TPH2: variants seen among roughly 807,000 people sequenced by gnomAD.
TPH2 encodes the protein tryptophan 5-hydroxylase 2.
A neutral mutation model predicts 59.1 loss-of-function variants in TPH2; 27 were observed. The observed-to-expected ratio is 0.46, with a 90% CI of 0.34 to 0.63. The LOEUF is 0.63. TPH2 is among the 30% of genes least tolerant of loss of function. The probability of loss-of-function intolerance (pLI) is 0.01; values close to 1 mark genes in which losing one functional copy is unlikely to be tolerated. For missense variants in TPH2, 523 were observed against 588.3 expected (o/e 0.89, Z 1.15); for synonymous variants, 220 against 210.5 (o/e 1.05, Z -0.39).
At chr12:72,021,860 C>T (rs899485853) in intron 8 of TPH2, among the ~76,000 whole-genome samples, 3 of 152,088 alleles carry the variant, frequency 2.0e-5, no homozygotes, top group Non-Finnish European at 4.4e-5. Flanking sequence ...ATTTGGTAGT[C>T]ATATAGAGGT....
Position 72,031,826 on chromosome 12 carries a change from C to A in TPH2, c.*131C>A, listed in dbSNP as rs1873732431. 1.0e-6 allele frequency: 1 copy of A among 1,002,960 alleles called. No homozygotes were observed. Among genetic ancestry groups the A allele is most frequent in the Non-Finnish European group, 1.6e-6 (1 of 640,532 alleles). The allele number at this position is 1,002,960 out of a possible 1,614,324, so 62.1% of individuals were successfully genotyped here. A position where few individuals can be genotyped will look rare whatever the true frequency, so the allele number is the denominator to read the frequency against. ...AGCATGCAATTCCATATATCTATAC[C>A]ATCTTGTAACTCACTGTGTTAGTAT... On this transcript the variant is annotated 3_prime_UTR_variant, in exon 11 of 11. Coordinates refer to ENST00000333850, the MANE Select transcript of TPH2 (RefSeq NM_173353.4).
intron 5 of TPH2, among the ~76,000 whole-genome samples, chr12:71,967,356 T>C (rs957369721): frequency 6.6e-6 from 1 of 152,220 alleles, no homozygotes; most frequent in Non-Finnish European, 1.5e-5. Flanking sequence ...AAGTTCTTAG[T>C]CATCTCTGAG....
chr12:72,004,619 T>A (rs1002668144), intron 8 of TPH2, among the ~76,000 whole-genome samples: 1 of 152,192 alleles, frequency 6.6e-6, no homozygotes, highest in Non-Finnish European at 1.5e-5. Flanking sequence ...TAAAGATGTA[T>A]AAAAGAAAGG....
At chr12:72,001,243 C>A (rs994460846) in intron 8 of TPH2, among the ~76,000 whole-genome samples, 1 of 152,096 alleles carries the variant, frequency 6.6e-6, no homozygotes, top group Non-Finnish European at 1.5e-5. Flanking sequence ...AGATTTGTTA[C>A]TGGATCTCAG....
intron 7 of TPH2, 52 bp from the exon 8 acceptor site, chr12:71,994,387 G>T: frequency 6.2e-7 from 1 of 1,608,282 alleles, no homozygotes; most frequent in Non-Finnish European, 8.5e-7. Flanking sequence ...TTCTACCAGT[G>T]GTAATTTAAA....
chr12:72,005,979 T>TC (rs1437888989), intron 8 of TPH2, among the ~76,000 whole-genome samples: 1 of 151,994 alleles, frequency 6.6e-6, no homozygotes, highest in African/African-American at 2.4e-5. Context: ...ATTCTAAAGC[T>TC]CCCCCTCTGC....
intron 1 of TPH2, among the ~76,000 whole-genome samples, chr12:71,940,677 C>T (rs1416924935): frequency 2.0e-5 from 3 of 152,138 alleles, no homozygotes; most frequent in African/African-American, 7.2e-5. Flanking sequence ...TGTTTCCTCC[C>T]ATTCTATTCC....
chr12:71,982,013 G>GTTTTTTTTTTTTTTTT (rs1468983565), intron 7 of TPH2, among the ~76,000 whole-genome samples: 5 of 55,662 alleles, frequency 9.0e-5, no homozygotes, highest in Non-Finnish European at 2.0e-4. Flanking sequence ...CATATCATTC[G>GTTTTTTTTTTTTTTTT]TATTTTTTTT....
chr12:71,977,364 G>C (rs1015918711), intron 6 of TPH2, among the ~76,000 whole-genome samples: 2 of 152,086 alleles, frequency 1.3e-5, no homozygotes, highest in African/African-American at 4.8e-5. Context: ...GTAATCTAGA[G>C]ATTTAATGAA....
intron 8 of TPH2, among the ~76,000 whole-genome samples, chr12:72,013,520 C>T (rs1053373178): frequency 6.6e-6 from 1 of 152,216 alleles, no homozygotes; most frequent in Non-Finnish European, 1.5e-5. Flanking sequence ...CCAATAACTT[C>T]TCTTCTTGCA....
intron 5 of TPH2, among the ~76,000 whole-genome samples, chr12:71,970,728 G>A (rs1871949058): frequency 6.6e-6 from 1 of 152,162 alleles, no homozygotes; most frequent in African/African-American, 2.4e-5. Context: ...ATTCATCACA[G>A]GTGTGAGGTC....
intron 5 of TPH2, among the ~76,000 whole-genome samples, chr12:71,953,804 A>G (rs957706020): frequency 2.6e-5 from 4 of 152,156 alleles, no homozygotes; most frequent in African/African-American, 9.7e-5. Flanking sequence ...GAACAATTCA[A>G]TTCCCTGTTG....
At chr12:72,003,536 T>C (rs1194795965) in intron 8 of TPH2, among the ~76,000 whole-genome samples, 1 of 152,228 alleles carries the variant, frequency 6.6e-6, no homozygotes, top group Non-Finnish European at 1.5e-5. Flanking sequence ...TTCACTATTT[T>C]CACCACTACC....
At chr12:72,005,776 G>A (rs947388041) in intron 8 of TPH2, among the ~76,000 whole-genome samples, 1 of 152,082 alleles carries the variant, frequency 6.6e-6, no homozygotes, top group Non-Finnish European at 1.5e-5. Flanking sequence ...TTTGTTTTGA[G>A]AAAAAATTGA....
At chr12:71,998,286 G>A (rs542878078) in intron 8 of TPH2, among the ~76,000 whole-genome samples, 6 of 152,074 alleles carry the variant, frequency 3.9e-5, no homozygotes, top group African/African-American at 7.2e-5. Context: ...TAGGCTGCCC[G>A]TTTACTTCGA....
intron 7 of TPH2, among the ~76,000 whole-genome samples, chr12:71,987,528 A>G (rs1872467648): frequency 1.3e-5 from 2 of 152,204 alleles, no homozygotes; most frequent in African/African-American, 2.4e-5. Flanking sequence ...AAGATTTTCA[A>G]TGCATTCTCT....
intron 8 of TPH2, among the ~76,000 whole-genome samples, chr12:72,016,074 T>G (rs1194947804): frequency 6.6e-6 from 1 of 152,240 alleles, no homozygotes; most frequent in Non-Finnish European, 1.5e-5. Flanking sequence ...TTCCTAGCTC[T>G]GGCAACCACT....
intron 7 of TPH2, among the ~76,000 whole-genome samples, chr12:71,990,266 T>C (rs1872550819): frequency 1.3e-5 from 2 of 152,184 alleles, no homozygotes; most frequent in Admixed American, 1.3e-4. Context: ...GGGGTTCGGC[T>C]GTGGATGATA....
intron 5 of TPH2, among the ~76,000 whole-genome samples, chr12:71,958,786 A>G (rs1008884806): frequency 2.0e-5 from 3 of 152,202 alleles, no homozygotes; most frequent in Non-Finnish European, 2.9e-5. Context: ...TTGCTAGCTT[A>G]TCTATTTCTT....
Sources: allele counts gnomAD v4.1 joint callset (sites outside exome capture counted in the v4.1 genomes callset), GRCh38; gene constraint gnomAD v4.1.1; transcripts MANE v1.5; gene names NCBI Gene and HGNC (gene_info 2026-07-23, HGNC 2026-07-21).